The following ZNF385B variants were observed in gnomAD, a reference collection of about 807,000 sequenced individuals.
The protein encoded by ZNF385B is zinc finger protein 533.
Under a neutral mutation model 39.2 loss-of-function variants are expected in ZNF385B, and 23 were observed. The ratio of observed to expected loss-of-function variants is 0.59; its 90% CI spans 0.42 to 0.83. ZNF385B has a LOEUF of 0.83. Ranked by LOEUF, ZNF385B falls within the 40% of genes least tolerant of loss-of-function variation. ZNF385B has a pLI of 0.00. For missense variants in ZNF385B, 552 were observed against 598.9 expected (o/e 0.92, Z 0.82); for synonymous variants, 205 against 222.6 (o/e 0.92, Z 0.70).
Position 179,769,742 on chromosome 2 carries a change from T to A in ZNF385B, c.59A>T (p.Asn20Ile), listed in dbSNP as rs1414560463. 1.9e-6 allele frequency: 3 copies of A among 1,613,902 alleles called. No homozygotes were observed. The highest frequency in any genetic ancestry group is 2.7e-5 in the African/African-American group (2 of 74,858). The change falls in exon 3 of 10, where the codon AAT becomes ATT. Residue 20 changes from asparagine to isoleucine, a missense_variant. Asn to Ile is a moderately radical substitution (Grantham distance 149, BLOSUM62 -3). Coordinates refer to ENST00000410066, the MANE Select transcript of ZNF385B (RefSeq NM_152520.6). ...HLEDGIMNMA[N>I]FLRGFEEKGI... ...CTTTTCTTCAAAGCCCCGTAGAAAATTTGCCATATTCATGATTCCATCTTC... is the reference window on the plus strand; with the variant it reads ...CTTTTCTTCAAAGCCCCGTAGAAAAATTGCCATATTCATGATTCCATCTTC...
At chr2:179,533,587 T>G (rs1354896031) in intron 4 of ZNF385B, among the ~76,000 whole-genome samples, 1 of 152,026 alleles carries the variant, frequency 6.6e-6, no homozygotes, top group Non-Finnish European at 1.5e-5. Flanking sequence ...ATTGGCAATT[T>G]AAATTCAGGA....
chr2:179,522,817 C>T (rs2058599712), intron 4 of ZNF385B: 1 of 372,444 alleles, frequency 2.7e-6, no homozygotes, highest in East Asian at 8.3e-5. Flanking sequence ...GGAAATAATA[C>T]TAAAGATGCT....
At chr2:179,808,683 G>A (rs1023719420) in intron 1 of ZNF385B, among the ~76,000 whole-genome samples, 9 of 152,084 alleles carry the variant, frequency 5.9e-5, no homozygotes, top group Admixed American at 3.9e-4. Flanking sequence ...ATATTTCATC[G>A]AAGACCTTTT....
At chr2:179,651,327 A>G (rs1394295305) in intron 3 of ZNF385B, among the ~76,000 whole-genome samples, 1 of 152,134 alleles carries the variant, frequency 6.6e-6, no homozygotes, top group African/African-American at 2.4e-5. Flanking sequence ...CATTCATTCA[A>G]TGGTTCATCT....
rs1433849990 is a variant in ZNF385B at position 179,518,569 on chromosome 2, C to A, written c.511G>T (p.Val171Phe). 3.7e-6 allele frequency: 6 copies of A among 1,609,762 alleles called. No homozygotes were observed. The highest frequency in any genetic ancestry group is 5.1e-6 in the Non-Finnish European group (6 of 1,178,576). The change falls in exon 5 of 10, where the codon GTT (valine) becomes TTT (phenylalanine). Residue 171 changes from valine to phenylalanine, a missense_variant. Physicochemically the swap from Val to Phe is conservative, Grantham distance 50. Transcript: ENST00000410066. ...AGCTGACAGACATTACAAGAAATAA[C>A]TTGTTTCTTCTTTGGGGGAATGGAT... ...GVSIPPKKKQ[V>F]ISCNVCQLRF...
At position 179,493,777 on chromosome 2, in the gene ZNF385B, A is replaced by ATATGCATATATG. The variant is rs1559338335; in HGVS notation, c.553-10344_553-10343insCATATATGCATA. 3.9e-3 allele frequency among the ~76,000 whole-genome samples: 393 copies of ATATGCATATATG among 100,442 alleles called. 15 individuals carry two copies. Among genetic ancestry groups the ATATGCATATATG allele is most frequent in the African/African-American group, 9.5e-3 (269 of 28,354 alleles). The allele number at this position is 100,442 out of a possible 152,430, so 65.9% of individuals were successfully genotyped here. ...TATACATATATGTATACATATATGT[A>ATATGCATATATG]TATACACATATGTATACATATATGT... is the stretch of plus-strand genomic sequence containing the variant. On this transcript the variant is annotated intron_variant, in intron 5 of 9. Transcript: ENST00000410066.
At chr2:179,855,087 T>A (rs557603366) in intron 1 of ZNF385B, among the ~76,000 whole-genome samples, 1 of 152,184 alleles carries the variant, frequency 6.6e-6, no homozygotes, top group Non-Finnish European at 1.5e-5. Context: ...TATTTTCAGA[T>A]GTGTACAGAA....
At chr2:179,561,193 C>T (rs1239113823) in intron 3 of ZNF385B, among the ~76,000 whole-genome samples, 1 of 152,164 alleles carries the variant, frequency 6.6e-6, no homozygotes, top group Non-Finnish European at 1.5e-5. Flanking sequence ...GGCTTATGAT[C>T]ATCCCCTGTT....
intron 1 of ZNF385B, among the ~76,000 whole-genome samples, chr2:179,798,495 C>T (rs530506149): frequency 6.6e-6 from 1 of 152,056 alleles, no homozygotes; most frequent in Non-Finnish European, 1.5e-5. Context: ...AGTTTTCTAT[C>T]AACCTCATTC....
intron 3 of ZNF385B, among the ~76,000 whole-genome samples, chr2:179,682,642 T>A (rs1045014439): frequency 1.3e-5 from 2 of 152,178 alleles, no homozygotes; most frequent in African/African-American, 4.8e-5. Context: ...TTTCACTGAG[T>A]TTTTATTCCT....
intron 1 of ZNF385B, among the ~76,000 whole-genome samples, chr2:179,844,503 A>AC (rs1242366482): frequency 6.6e-6 from 1 of 152,154 alleles, no homozygotes; most frequent in Non-Finnish European, 1.5e-5. Flanking sequence ...ACACTACTAC[A>AC]CACAGTCAAG....
chr2:179,856,227 A>G (rs931923606), intron 1 of ZNF385B, among the ~76,000 whole-genome samples: 4 of 152,166 alleles, frequency 2.6e-5, no homozygotes, highest in African/African-American at 9.7e-5. Flanking sequence ...TAGTGCTAGA[A>G]TAACAACTAA....
chr2:179,473,839 C>G (rs749756252), intron 6 of ZNF385B, among the ~76,000 whole-genome samples: 2 of 152,048 alleles, frequency 1.3e-5, no homozygotes, highest in African/African-American at 4.8e-5. Context: ...CATCCATGTC[C>G]CTGCAAAGGA....
At chr2:179,622,945 G>T (rs1360098171) in intron 3 of ZNF385B, among the ~76,000 whole-genome samples, 1 of 152,112 alleles carries the variant, frequency 6.6e-6, no homozygotes, top group African/African-American at 2.4e-5. Context: ...AGCCTTCAGA[G>T]GGCACACACA....
At chr2:179,734,057 A>G (rs1411856114) in intron 3 of ZNF385B, among the ~76,000 whole-genome samples, 3 of 152,202 alleles carry the variant, frequency 2.0e-5, no homozygotes, top group African/African-American at 4.8e-5. Context: ...TATATTTTGC[A>G]CATTATTCCA....
intron 3 of ZNF385B, among the ~76,000 whole-genome samples, chr2:179,669,991 T>A (rs1412807251): frequency 6.6e-6 from 1 of 152,044 alleles, no homozygotes; most frequent in Non-Finnish European, 1.5e-5. Context: ...ATTAGCAGTG[T>A]TTACAAAATC....
At chr2:179,772,795 G>A (rs775765947) in intron 1 of ZNF385B, among the ~76,000 whole-genome samples, 3 of 152,134 alleles carry the variant, frequency 2.0e-5, no homozygotes, top group Non-Finnish European at 4.4e-5. Context: ...AAGGACCTTC[G>A]GGGGTGTCTG....
intron 6 of ZNF385B, among the ~76,000 whole-genome samples, chr2:179,463,857 G>A (rs992256343): frequency 2.0e-5 from 3 of 152,054 alleles, no homozygotes; most frequent in African/African-American, 2.4e-5. Context: ...TAATCCTTTG[G>A]GTATATACCC....
At position 179,623,214 on chromosome 2, in the gene ZNF385B, C is replaced by T. The variant is rs898948171; in HGVS notation, c.299-78245G>A. Among the ~76,000 whole-genome samples the T allele has an allele frequency of 5.9e-5, 9 of 151,698 alleles. No homozygotes were observed. The South Asian group carries it at 1.0e-3, about 18-fold the overall frequency. On this transcript the variant is annotated intron_variant, in intron 3 of 9. Coordinates refer to ENST00000410066, the MANE Select transcript of ZNF385B (RefSeq NM_152520.6). ...GTCCGGAGAATTTAGCTCCAAAAAT[C>T]AATCAAGAACTCAAGAGTAAATGAA...
Sources: allele counts gnomAD v4.1 joint callset (sites outside exome capture counted in the v4.1 genomes callset), GRCh38; gene constraint gnomAD v4.1.1; transcripts MANE v1.5; gene names NCBI Gene and HGNC (gene_info 2026-07-23, HGNC 2026-07-21).